The following NELL2 variants were observed in gnomAD, a reference collection of about 807,000 sequenced individuals.
NELL2 encodes the protein protein kinase C-binding protein NELL2.
In NELL2, 41 loss-of-function variants were observed where a neutral mutation model predicts 109.6. The observed-to-expected ratio is 0.37, with a 90% CI of 0.29 to 0.49. The LOEUF (loss-of-function observed/expected upper bound fraction) is 0.49, where lower values mean the gene tolerates loss of function less well. Ranked by LOEUF, NELL2 falls within the 20% of genes least tolerant of loss-of-function variation. NELL2 has a pLI of 0.98. For missense variants in NELL2, 900 were observed against 1,008.3 expected (o/e 0.89, Z 1.45); for synonymous variants, 355 against 344.7 (o/e 1.03, Z -0.33).
chr12:44,858,110 T>G (rs907897894), intron 2 of NELL2, among the ~76,000 whole-genome samples: 1 of 152,178 alleles, frequency 6.6e-6, no homozygotes, highest in African/African-American at 2.4e-5. Context: ...ATGTCAGGCA[T>G]AGTTTTGTTC....
chr12:44,666,271 A>C (rs1017284057), intron 12 of NELL2, among the ~76,000 whole-genome samples: 1 of 152,220 alleles, frequency 6.6e-6, no homozygotes, highest in Admixed American at 6.5e-5. Context: ...CTGGATGCTA[A>C]CCCATAAGAA....
At chr12:44,740,915 C>A (rs1939921589) in intron 9 of NELL2, among the ~76,000 whole-genome samples, 1 of 152,174 alleles carries the variant, frequency 6.6e-6, no homozygotes, top group Non-Finnish European at 1.5e-5. Flanking sequence ...TGTTTATTCA[C>A]AGGGGATCAC....
At chr12:44,556,040 AC>A (rs906698919) in intron 15 of NELL2, among the ~76,000 whole-genome samples, 22 of 152,326 alleles carry the variant, frequency 1.4e-4, no homozygotes, top group Admixed American at 1.3e-3. Context: ...TTGATAACTT[AC>A]CAAAGTAAGC....
At chr12:44,555,445 GA>G (rs1943215209) in intron 15 of NELL2, among the ~76,000 whole-genome samples, 2 of 152,052 alleles carry the variant, frequency 1.3e-5, no homozygotes, top group African/African-American at 4.8e-5. Context: ...AATAAACATT[GA>G]GTGGAAGAAT....
chr12:44,674,222 C>A (rs567330399), intron 12 of NELL2, among the ~76,000 whole-genome samples: 1 of 152,060 alleles, frequency 6.6e-6, no homozygotes, highest in Non-Finnish European at 1.5e-5. Context: ...TCTGACTCTG[C>A]CCCCTCCTAC....
chr12:44,659,690 A>G (rs980250738), intron 13 of NELL2, among the ~76,000 whole-genome samples: 1 of 152,228 alleles, frequency 6.6e-6, no homozygotes, highest in Admixed American at 6.5e-5. Context: ...AAAAGATAAT[A>G]AAATATAAGC....
At chr12:44,581,086 A>G (rs1944304897) in intron 15 of NELL2, among the ~76,000 whole-genome samples, 1 of 152,154 alleles carries the variant, frequency 6.6e-6, no homozygotes, top group Non-Finnish European at 1.5e-5. Context: ...AAGTGATTCC[A>G]TATCTATTTT....
At chr12:44,558,762 C>G (rs1370457538) in intron 15 of NELL2, among the ~76,000 whole-genome samples, 5 of 152,286 alleles carry the variant, frequency 3.3e-5, no homozygotes, top group Middle Eastern at 6.8e-3. Context: ...TGGGCAGACA[C>G]TGAGCTAGCT....
intron 1 of NELL2, among the ~76,000 whole-genome samples, chr12:44,884,304 C>G (rs2136862235): frequency 6.6e-6 from 1 of 151,898 alleles, no homozygotes; most frequent in East Asian, 1.9e-4. Flanking sequence ...ATGCACCTAA[C>G]AGCAAAGCAT....
chr12:44,523,989 G>T (rs914283898), intron 16 of NELL2, among the ~76,000 whole-genome samples: 3 of 152,092 alleles, frequency 2.0e-5, no homozygotes, highest in African/African-American at 7.2e-5. Context: ...CCCCCTCCAT[G>T]AAGCTCTTTC....
chr12:44,604,875 C>G lies in NELL2; in HGVS notation c.1663+2294G>C, dbSNP rs11182553. On this transcript the variant is annotated intron_variant, in intron 15 of 19. Transcript: ENST00000429094. Reference sequence around the variant, plus strand: ...AGACAAACCTGAAAGTCCCCAACAACTGTAGCACTGACCAGAATAGAAAAA... The same window carrying G: ...AGACAAACCTGAAAGTCCCCAACAAGTGTAGCACTGACCAGAATAGAAAAA... Among the ~76,000 whole-genome samples, 456 of 152,248 alleles carry G rather than the reference C, an allele frequency of 3.0e-3. 4 individuals carry two copies. Among genetic ancestry groups the G allele is most frequent in the East Asian group, 0.026 (136 of 5,184 alleles).
intron 9 of NELL2, among the ~76,000 whole-genome samples, chr12:44,739,384 G>C (rs1939820672): frequency 6.6e-6 from 1 of 152,150 alleles, no homozygotes; most frequent in Non-Finnish European, 1.5e-5. Flanking sequence ...AGCTAGATTA[G>C]AATTTCTTTA....
intron 15 of NELL2, among the ~76,000 whole-genome samples, chr12:44,560,187 C>T (rs565980818): frequency 5.9e-5 from 9 of 151,922 alleles, no homozygotes; most frequent in Admixed American, 2.0e-4. Flanking sequence ...ATTGTTGAGA[C>T]GGAAATTTAT....
intron 12 of NELL2, among the ~76,000 whole-genome samples, chr12:44,670,075 G>T (rs571337079): frequency 6.6e-6 from 1 of 152,078 alleles, no homozygotes; most frequent in Non-Finnish European, 1.5e-5. Context: ...AGAAGGGAGT[G>T]ATGTATTCAA....
intron 9 of NELL2, among the ~76,000 whole-genome samples, chr12:44,766,002 C>T (rs1941316847): frequency 6.6e-6 from 1 of 151,952 alleles, no homozygotes; most frequent in Admixed American, 6.5e-5. Context: ...CACCTGTAAT[C>T]CCAGCTACAG....
intron 13 of NELL2, among the ~76,000 whole-genome samples, chr12:44,662,149 C>CA (rs1314260808): frequency 6.6e-6 from 1 of 152,094 alleles, no homozygotes; most frequent in Non-Finnish European, 1.5e-5. Context: ...GTCATTTCCA[C>CA]AACTTTGGAA....
chr12:44,761,863 T>C (rs755865846), intron 9 of NELL2, among the ~76,000 whole-genome samples: 1 of 151,972 alleles, frequency 6.6e-6, no homozygotes, highest in African/African-American at 2.4e-5. Context: ...AAATAACAGA[T>C]AGTGGGGAGT....
At chr12:44,888,258 G>T (rs1945496372) in intron 1 of NELL2, among the ~76,000 whole-genome samples, 1 of 151,968 alleles carries the variant, frequency 6.6e-6, no homozygotes, top group South Asian at 2.1e-4. Context: ...AAATTTTAAA[G>T]TCAGGTATTG....
chr12:44,552,901 T>C (rs970856541), intron 15 of NELL2, among the ~76,000 whole-genome samples: 2 of 152,112 alleles, frequency 1.3e-5, no homozygotes, highest in Non-Finnish European at 2.9e-5. Context: ...TCTGAGATTT[T>C]ATTTGGTCAG....
Sources: allele counts gnomAD v4.1 joint callset (sites outside exome capture counted in the v4.1 genomes callset), GRCh38; gene constraint gnomAD v4.1.1; transcripts MANE v1.5; gene names NCBI Gene and HGNC (gene_info 2026-07-23, HGNC 2026-07-21).